Variants in TMEM132D observed in about 807,000 individuals in gnomAD.
TMEM132D encodes the protein mature OL transmembrane protein.
TMEM132D carries 21 observed loss-of-function variants against 62.3 expected under a neutral mutation model. That is an observed-to-expected ratio of 0.34 (90% confidence interval 0.24 to 0.49). The LOEUF is 0.49. Among genes scored for constraint, TMEM132D ranks in the 20% least tolerant of loss-of-function variants. TMEM132D has a pLI of 0.99. For synonymous variants in TMEM132D, 621 were observed against 575.6 expected (o/e 1.08, Z -1.13); for missense variants, 1,346 against 1,402.8 (o/e 0.96, Z 0.65).
intron 2 of TMEM132D, among the ~76,000 whole-genome samples, chr12:129,649,151 AATG>A (rs1879860955): frequency 6.6e-6 from 1 of 152,184 alleles, no homozygotes; most frequent in South Asian, 2.1e-4. Flanking sequence ...TCACTCCATA[AATG>A]ATAAAGTCAG....
intron 5 of TMEM132D, among the ~76,000 whole-genome samples, chr12:129,122,092 T>C (rs952303038): frequency 2.6e-5 from 4 of 152,212 alleles, no homozygotes; most frequent in African/African-American, 9.6e-5. Flanking sequence ...AGAGCGATGC[T>C]GGGTGACCCG....
intron 3 of TMEM132D, among the ~76,000 whole-genome samples, chr12:129,376,303 G>C (rs1870778452): frequency 6.6e-6 from 1 of 152,164 alleles, no homozygotes; most frequent in South Asian, 2.1e-4. Flanking sequence ...GGAGGCTGCA[G>C]AAAACTTAAA....
intron 3 of TMEM132D, among the ~76,000 whole-genome samples, chr12:129,474,387 T>C (rs756575676): frequency 1.2e-4 from 18 of 152,210 alleles, no homozygotes; most frequent in Non-Finnish European, 1.9e-4. Flanking sequence ...GAAGTCATTG[T>C]AATGATTCTC....
intron 2 of TMEM132D, among the ~76,000 whole-genome samples, chr12:129,677,383 A>G (rs986782717): frequency 2.6e-5 from 4 of 152,162 alleles, no homozygotes; most frequent in Non-Finnish European, 5.9e-5. Context: ...GGCCTCCCCA[A>G]CCATGTGGAA....
intron 3 of TMEM132D, among the ~76,000 whole-genome samples, chr12:129,417,497 T>C (rs1327619378): frequency 6.6e-6 from 1 of 152,202 alleles, no homozygotes; most frequent in African/African-American, 2.4e-5. Context: ...TGGCTAGCCA[T>C]ATGCAGAAAA....
chr12:129,558,180 G>A (rs897911334), intron 2 of TMEM132D, among the ~76,000 whole-genome samples: 1 of 152,166 alleles, frequency 6.6e-6, no homozygotes, highest in African/African-American at 2.4e-5. Flanking sequence ...TCTTAGGACG[G>A]ATGTTGCCCT....
intron 3 of TMEM132D, among the ~76,000 whole-genome samples, chr12:129,437,231 C>T (rs1038993565): frequency 4.6e-5 from 7 of 152,048 alleles, no homozygotes; most frequent in East Asian, 1.9e-4. Context: ...CAGTTGGGAA[C>T]GGAGCAACTA....
intron 5 of TMEM132D, among the ~76,000 whole-genome samples, chr12:129,144,133 T>C (rs1876823637): frequency 6.6e-6 from 1 of 151,876 alleles, no homozygotes; most frequent in Non-Finnish European, 1.5e-5. Flanking sequence ...TCTCAATTAA[T>C]GAAGTAAGGT....
rs2135604677 is a variant in TMEM132D at position 129,074,791 on chromosome 12, A to G, written c.2384T>C (p.Val795Ala). 1 of 1,613,952 alleles carries G rather than the reference A, an allele frequency of 6.2e-7. No homozygotes were observed. The highest frequency in any genetic ancestry group is 8.5e-7 in the Non-Finnish European group (1 of 1,179,996). ...GTTAGCATCGTTTTGGCCAAATTTA[A>G]CTTTGATGTTTGCCGTTCCAACAGC... ...VLAVGTANIK[V>A]KFGQNDANPN... The change falls in exon 9 of 9, where the codon GTT becomes GCT. Residue 795 changes from valine to alanine, a missense_variant. Coordinates refer to ENST00000422113, the MANE Select transcript of TMEM132D (RefSeq NM_133448.3).
intron 3 of TMEM132D, among the ~76,000 whole-genome samples, chr12:129,490,423 C>CTTTTTT (rs11311745): frequency 3.6e-4 from 21 of 58,558 alleles, no homozygotes; most frequent in South Asian, 8.5e-4. Context: ...ATTTCCTTTC[C>CTTTTTT]TTTTTTTTTT....
chr12:129,432,159 T>A lies in TMEM132D; in HGVS notation c.1116-94342A>T, dbSNP rs200149949. 2.5e-3 allele frequency among the ~76,000 whole-genome samples: 340 copies of A among 134,374 alleles called. 2 individuals are homozygous for A. The highest frequency in any genetic ancestry group is 9.4e-3 in the African/African-American group (321 of 33,976). The allele number at this position is 134,374 out of a possible 152,430, so 88.2% of individuals were successfully genotyped here. ...GATGGATGGATGGATGGATGGATGCTTGGATGGATGGATGGATGGATGGAT... is the reference window on the plus strand; with the variant it reads ...GATGGATGGATGGATGGATGGATGCATGGATGGATGGATGGATGGATGGAT... On this transcript the variant is annotated intron_variant, in intron 3 of 8. Coordinates refer to ENST00000422113, the MANE Select transcript of TMEM132D (RefSeq NM_133448.3).
rs1415832511 is a variant in TMEM132D at position 129,191,678 on chromosome 12, C to G, written c.1443+17842G>C. Among the ~76,000 whole-genome samples the G allele has an allele frequency of 4.0e-5, 6 of 151,658 alleles. No individual in the cohort carries two copies. In the East Asian group the frequency reaches 1.2e-3, roughly 29 times the overall value. ...TCAGTAGGAGATTATACATATATCT[C>G]TATATCTCCTATTTTTCTTCTCTAA... On this transcript the variant is annotated intron_variant, in intron 5 of 8. Coordinates refer to ENST00000422113, the MANE Select transcript of TMEM132D (RefSeq NM_133448.3).
chr12:129,601,811 A>G (rs1431460663), intron 2 of TMEM132D, among the ~76,000 whole-genome samples: 3 of 152,224 alleles, frequency 2.0e-5, no homozygotes, highest in Non-Finnish European at 4.4e-5. Flanking sequence ...ACAGATCACC[A>G]TAACAAATAT....
At chr12:129,167,866 G>A (rs927462589) in intron 5 of TMEM132D, among the ~76,000 whole-genome samples, 10 of 151,994 alleles carry the variant, frequency 6.6e-5, no homozygotes, top group African/African-American at 1.2e-4. Context: ...CACTTTATTC[G>A]GAATCCTAAA....
chr12:129,441,785 CT>C (rs1375564742), intron 3 of TMEM132D, among the ~76,000 whole-genome samples: 1 of 152,186 alleles, frequency 6.6e-6, no homozygotes, highest in Non-Finnish European at 1.5e-5. Context: ...CACATATACA[CT>C]GTGGAATCTT....
At chr12:129,891,352 CA>C (rs1313045574) in intron 1 of TMEM132D, among the ~76,000 whole-genome samples, 2 of 152,210 alleles carry the variant, frequency 1.3e-5, no homozygotes, top group Middle Eastern at 6.8e-3. Context: ...ACACTTTGAC[CA>C]AAACAGAGTT....
chr12:129,692,982 C>G (rs770271593), intron 2 of TMEM132D, among the ~76,000 whole-genome samples: 7 of 152,036 alleles, frequency 4.6e-5, no homozygotes, highest in African/African-American at 7.3e-5. Context: ...GCACACGTAC[C>G]CTGGAACTTA....
intron 3 of TMEM132D, among the ~76,000 whole-genome samples, chr12:129,434,531 C>T (rs971706505): frequency 7.2e-5 from 11 of 152,056 alleles, no homozygotes; most frequent in Non-Finnish European, 1.0e-4. Context: ...GCTAAGGGGG[C>T]GTGTCTCAGT....
chr12:129,388,725 C>A (rs201849647), intron 3 of TMEM132D, among the ~76,000 whole-genome samples: 10 of 106,158 alleles, frequency 9.4e-5, no homozygotes, highest in East Asian at 4.9e-4. Flanking sequence ...CACTAACACT[C>A]ATCCTAATAT....
Sources: allele counts gnomAD v4.1 joint callset (sites outside exome capture counted in the v4.1 genomes callset), GRCh38; gene constraint gnomAD v4.1.1; transcripts MANE v1.5; gene names NCBI Gene and HGNC (gene_info 2026-07-23, HGNC 2026-07-21).